BCL2L14: variants seen among roughly 807,000 people sequenced by gnomAD.
BCL2L14 encodes the protein apoptosis facilitator Bcl-2-like protein 14.
In BCL2L14, 27 loss-of-function variants were observed where a neutral mutation model predicts 35.3. The ratio of observed to expected loss-of-function variants is 0.76; its 90% CI spans 0.56 to 1.05. The LOEUF is 1.05. BCL2L14 is among the 50% of genes least tolerant of loss of function. BCL2L14 has a pLI of 0.00. For synonymous variants in BCL2L14, 139 were observed against 145.9 expected (o/e 0.95, Z 0.34); for missense variants, 377 against 382.6 (o/e 0.99, Z 0.12).
At chr12:12,097,013 A>T (rs145610337) in intron 5 of BCL2L14, among the ~76,000 whole-genome samples, 1 of 152,150 alleles carries the variant, frequency 6.6e-6, no homozygotes, top group African/African-American at 2.4e-5. Flanking sequence ...GCATGGTGGC[A>T]GGTGCCTGTA....
chr12:12,070,414 G>A (rs1184023687), upstream of BCL2L14, among the ~76,000 whole-genome samples: 1 of 152,244 alleles, frequency 6.6e-6, no homozygotes, highest in Non-Finnish European at 1.5e-5. Flanking sequence ...GCCGGGCGCA[G>A]TGGCTTACGC....
chr12:12,083,233 G>C (rs1243181855), intron 2 of BCL2L14, among the ~76,000 whole-genome samples: 2 of 152,142 alleles, frequency 1.3e-5, no homozygotes, highest in African/African-American at 4.8e-5. Context: ...CAAAGTGCTG[G>C]GATTACAGGC....
At chr12:12,089,922 C>T (rs995904653) in intron 3 of BCL2L14, among the ~76,000 whole-genome samples, 6 of 152,206 alleles carry the variant, frequency 3.9e-5, no homozygotes, top group African/African-American at 9.6e-5. Context: ...GAAAATAAGA[C>T]GGATTTGGGA....
intron 2 of BCL2L14, among the ~76,000 whole-genome samples, chr12:12,085,618 TCAGATGTC>T (rs1949025087): frequency 1.3e-5 from 2 of 152,174 alleles, no homozygotes; most frequent in South Asian, 2.1e-4. Context: ...GCTTTATGAG[TCAGATGTC>T]CACCAGAGGA....
At chr12:12,066,912 G>A (rs1042626106), upstream of BCL2L14, among the ~76,000 whole-genome samples, 49 of 151,982 alleles carry the variant, frequency 3.2e-4, no homozygotes, top group Admixed American at 9.2e-4. Flanking sequence ...GGGTTTCGCT[G>A]TGTTAGCCAG....
intron 2 of BCL2L14, among the ~76,000 whole-genome samples, chr12:12,058,627 T>C (rs1424904234): frequency 6.6e-6 from 1 of 151,766 alleles, no homozygotes; most frequent in Non-Finnish European, 1.5e-5. Flanking sequence ...AACCCCCCTT[T>C]TTCCTTTACC....
At chr12:12,096,162 G>T in intron 5 of BCL2L14, 2 of 983,232 alleles carry the variant, frequency 2.0e-6, no homozygotes, top group Non-Finnish European at 2.4e-6. Flanking sequence ...ATATACAAAA[G>T]ATGATCAAAT....
chr12:12,074,585 T>C (rs1948738967), intron 1 of BCL2L14, among the ~76,000 whole-genome samples: 2 of 152,108 alleles, frequency 1.3e-5, no homozygotes, highest in South Asian at 2.1e-4. Flanking sequence ...ATTACAGGCA[T>C]GTGCCACCAT....
chr12:12,066,093 G>T (rs1544669), upstream of BCL2L14, among the ~76,000 whole-genome samples: 95,713 of 152,054 alleles, frequency 0.63, 30,407 homozygotes, highest in East Asian at 0.82. Context: ...ACCTGGCCGA[G>T]AGTTTTTCTT....
chr12:12,079,767 G>A (rs546811816), intron 2 of BCL2L14, 29 bp downstream of exon 2: 32 of 1,594,428 alleles, frequency 2.0e-5, no homozygotes, highest in South Asian at 1.4e-4. Context: ...TTTCTCTCCC[G>A]CTTCCTGGTT....
chr12:12,061,422 C>T (rs1317693168), intron 2 of BCL2L14, among the ~76,000 whole-genome samples: 8 of 152,074 alleles, frequency 5.3e-5, no homozygotes, highest in African/African-American at 1.2e-4. Context: ...TGTTGTCACT[C>T]GCCTGCTACA....
chr12:12,067,492 A>C (rs1029302714), upstream of BCL2L14, among the ~76,000 whole-genome samples: 5 of 152,040 alleles, frequency 3.3e-5, no homozygotes, highest in Admixed American at 6.5e-5. Flanking sequence ...CAGAGGTTGC[A>C]GTGAGCCGAG....
At chr12:12,073,602 G>GCA (rs58315357) in intron 1 of BCL2L14, among the ~76,000 whole-genome samples, 5,100 of 151,554 alleles carry the variant, frequency 0.034, 101 homozygotes, top group Middle Eastern at 0.045. Context: ...GCATGCACGC[G>GCA]CACACACACA....
chr12:12,057,962 T>C (rs1238270279), intron 2 of BCL2L14, among the ~76,000 whole-genome samples: 1 of 150,928 alleles, frequency 6.6e-6, no homozygotes, highest in Non-Finnish European at 1.5e-5. Flanking sequence ...TTTTTTTTTT[T>C]TTTTGAGATG....
At chr12:12,058,249 G>A (rs1948463008) in intron 2 of BCL2L14, among the ~76,000 whole-genome samples, 2 of 142,532 alleles carry the variant, frequency 1.4e-5, no homozygotes, top group South Asian at 2.2e-4. Flanking sequence ...ATTGTGCCCA[G>A]ACTCTTTTTT....
chr12:12,093,542 C>T (rs942047873), intron 4 of BCL2L14, among the ~76,000 whole-genome samples: 1 of 152,100 alleles, frequency 6.6e-6, no homozygotes, highest in Non-Finnish European at 1.5e-5. Flanking sequence ...CCTGTAATCC[C>T]AGCACTTTGG....
chr12:12,079,174 C>A, intron 1 of BCL2L14, 125 bp from the exon 2 acceptor site: 1 of 801,262 alleles, frequency 1.2e-6, no homozygotes, highest in Non-Finnish European at 2.0e-6. Context: ...TCCCTCTCTA[C>A]CCTCCAGCAC....
chr12:12,093,848 A>G lies in BCL2L14; in HGVS notation c.679-816A>G, dbSNP rs186910110. 5.5e-4 allele frequency among the ~76,000 whole-genome samples: 83 copies of G among 151,030 alleles called. No individual in the cohort carries two copies. In the East Asian group the frequency reaches 0.013, roughly 24 times the overall value. ...AAGAAAATGAAGACTGGGTGCAGGGACTCATGCCTGTAATCCCAACACTTT... is the reference window on the plus strand; with the variant it reads ...AAGAAAATGAAGACTGGGTGCAGGGGCTCATGCCTGTAATCCCAACACTTT... On this transcript the variant is annotated intron_variant, in intron 4 of 5. Transcript: ENST00000308721.
intron 2 of BCL2L14, among the ~76,000 whole-genome samples, chr12:12,064,648 C>T (rs1948571910): frequency 6.6e-6 from 1 of 152,234 alleles, no homozygotes; most frequent in Admixed American, 6.5e-5. Context: ...TCCAATTTTA[C>T]AGTAAAATGA....
Sources: gnomAD v4.1 joint callset for allele counts (sites outside exome capture counted in the v4.1 genomes callset) on GRCh38, gnomAD v4.1.1 for gene constraint, MANE v1.5 for transcripts, NCBI Gene and HGNC (gene_info 2026-07-23, HGNC 2026-07-21) for gene names.